The following SH3KBP1 variants were observed in gnomAD, a reference collection of about 807,000 sequenced individuals.
The protein encoded by SH3KBP1 is SH3 domain-containing kinase-binding protein 1.
In SH3KBP1, 8 loss-of-function variants were observed where a neutral mutation model predicts 50.1. That is an observed-to-expected ratio of 0.16 (90% CI 0.09 to 0.29). The LOEUF (loss-of-function observed/expected upper bound fraction) is 0.29, where lower values mean the gene tolerates loss of function less well. SH3KBP1 is among the 10% of genes least tolerant of loss of function. The probability of loss-of-function intolerance (pLI) is 1.00; values close to 1 mark genes in which losing one functional copy is unlikely to be tolerated. For missense variants in SH3KBP1, 377 were observed against 535.2 expected (o/e 0.70, Z 2.92); for synonymous variants, 227 against 218.6 (o/e 1.04, Z -0.34).
At chrX:19,665,764 C>G (rs2062582913) in intron 6 of SH3KBP1, among the ~76,000 whole-genome samples, 1 of 111,610 alleles carries the variant, frequency 9.0e-6, no homozygotes, top group Non-Finnish European at 1.9e-5. Flanking sequence ...AAAGACACAC[C>G]ACCATGCAGT....
At chrX:19,591,046 G>C (rs193141285) in intron 11 of SH3KBP1, among the ~76,000 whole-genome samples, 49 of 108,599 alleles carry the variant, frequency 4.5e-4, no homozygotes, top group Non-Finnish European at 7.4e-4. Context: ...CACAGACCTG[G>C]CCTTCACAAT....
At chrX:19,864,356 A>C (rs1318751079) in intron 1 of SH3KBP1, among the ~76,000 whole-genome samples, 1 of 111,215 alleles carries the variant, frequency 9.0e-6, no homozygotes, top group Non-Finnish European at 1.9e-5. Flanking sequence ...TCCCAATCCC[A>C]AGCAAAAGGG....
intron 2 of SH3KBP1, among the ~76,000 whole-genome samples, chrX:19,820,091 C>T (rs1223986584): frequency 6.3e-5 from 7 of 111,560 alleles, no homozygotes; most frequent in Non-Finnish European, 1.1e-4. Flanking sequence ...TATCTCAATT[C>T]CCTTAAATAT....
intron 1 of SH3KBP1, among the ~76,000 whole-genome samples, chrX:19,867,249 G>GCA (rs1229429939): frequency 9.0e-6 from 1 of 110,959 alleles, no homozygotes; most frequent in Non-Finnish European, 1.9e-5. Context: ...TCCTGAACCA[G>GCA]CATGTGCCTT....
At chrX:19,842,998 C>T (rs1036764699) in intron 1 of SH3KBP1, among the ~76,000 whole-genome samples, 8 of 102,819 alleles carry the variant, frequency 7.8e-5, no homozygotes, top group South Asian at 8.8e-4. Flanking sequence ...AACAGATACT[C>T]GTGCATCAAC....
At position 19,695,717 on chromosome X, in the gene SH3KBP1, C is replaced by T. The variant is rs141628714; in HGVS notation, c.415G>A (p.Val139Ile). Residue 139 changes from valine to isoleucine, a missense_variant, in exon 5 of 18, where the codon GTT (valine) becomes ATT (isoleucine). Transcript: ENST00000397821. ...AACATTCCAGTCTTCCCGTTGAGAA[C>T]ACCTTCCCACCATCCTTCCTCTACC... is the stretch of plus-strand genomic sequence containing the variant. Reference protein sequence around the residue: ...GEVEEGWWEGVLNGKTGMFPS... With the variant: ...GEVEEGWWEGILNGKTGMFPS... 153 of 1,206,999 alleles carry T rather than the reference C, an allele frequency of 1.3e-4. No individual in the cohort carries two copies. The highest frequency in any genetic ancestry group is 1.6e-4 in the Non-Finnish European group (145 of 893,993).
At chrX:19,877,816 T>C (rs145073685) in intron 1 of SH3KBP1, among the ~76,000 whole-genome samples, 246 of 112,325 alleles carry the variant, frequency 2.2e-3, no homozygotes, top group African/African-American at 7.0e-3. Context: ...TTATCCAAGA[T>C]AGAAATAACA....
intron 2 of SH3KBP1, among the ~76,000 whole-genome samples, chrX:19,812,653 A>T (rs186474250): frequency 1.3e-5 from 1 of 74,889 alleles, no homozygotes; most frequent in African/African-American, 6.2e-5. Flanking sequence ...ACATAGTGAG[A>T]CCCCGTCTCT....
chrX:19,655,546 T>C (rs1255887033), intron 6 of SH3KBP1, among the ~76,000 whole-genome samples: 1 of 111,887 alleles, frequency 8.9e-6, no homozygotes, highest in Non-Finnish European at 1.9e-5. Context: ...GCCATGATCC[T>C]AAGCAAATTA....
intron 2 of SH3KBP1, among the ~76,000 whole-genome samples, chrX:19,769,075 ATTTTTTTTT>A (rs36059368): frequency 1.2e-5 from 1 of 81,153 alleles, no homozygotes; most frequent in Non-Finnish European, 2.3e-5. Flanking sequence ...CTGCGTTATA[ATTTTTTTTT>A]TTTTTTTTTT....
chrX:19,767,362 T>A (rs910497879), intron 2 of SH3KBP1, among the ~76,000 whole-genome samples: 9 of 112,482 alleles, frequency 8.0e-5, no homozygotes, highest in African/African-American at 2.6e-4. Flanking sequence ...AGAAATCTTG[T>A]TTCTTTCCTA....
chrX:19,620,022 C>T (rs188186829), intron 8 of SH3KBP1, among the ~76,000 whole-genome samples: 1 of 111,575 alleles, frequency 9.0e-6, no homozygotes, highest in East Asian at 2.8e-4. Context: ...GGATGAGCAT[C>T]CTATAGCTGA....
intron 6 of SH3KBP1, among the ~76,000 whole-genome samples, chrX:19,668,873 A>G (rs1280488074): frequency 1.1e-5 from 1 of 93,300 alleles, no homozygotes; most frequent in African/African-American, 3.7e-5. Context: ...AAAAAAAAAA[A>G]GTCTGGAAGG....
At chrX:19,829,982 G>A (rs2067818379) in intron 2 of SH3KBP1, among the ~76,000 whole-genome samples, 1 of 111,208 alleles carries the variant, frequency 9.0e-6, no homozygotes, top group African/African-American at 3.3e-5. Context: ...CAACTGTCAT[G>A]GCACCGTTGG....
At chrX:19,547,217 G>T (rs772868789) in intron 14 of SH3KBP1, among the ~76,000 whole-genome samples, 4 of 111,079 alleles carry the variant, frequency 3.6e-5, no homozygotes, top group Non-Finnish European at 7.5e-5. Flanking sequence ...TGATCACTGG[G>T]CTAGAATTTC....
chrX:19,540,534 C>T (rs752036523), intron 16 of SH3KBP1, among the ~76,000 whole-genome samples: 128 of 111,730 alleles, frequency 1.1e-3, no homozygotes, highest in African/African-American at 4.0e-3. Context: ...ACCGAGTTAT[C>T]CCCCAAAAGT....
intron 6 of SH3KBP1, among the ~76,000 whole-genome samples, chrX:19,648,503 G>A (rs1219384922): frequency 2.7e-5 from 3 of 110,379 alleles, no homozygotes; most frequent in African/African-American, 9.9e-5. Flanking sequence ...AAAGAAAGGT[G>A]GCTTTGAACC....
intron 2 of SH3KBP1, among the ~76,000 whole-genome samples, chrX:19,793,719 C>T (rs957500434): frequency 2.7e-5 from 3 of 111,681 alleles, no homozygotes; most frequent in African/African-American, 9.8e-5. Flanking sequence ...TAACCTACTT[C>T]AGATGCTAAC....
intron 1 of SH3KBP1, among the ~76,000 whole-genome samples, chrX:19,849,139 C>T (rs765638027): frequency 9.1e-6 from 1 of 110,144 alleles, no homozygotes; most frequent in African/African-American, 3.3e-5. Context: ...AGAGAGACAA[C>T]CAGGCATCTG....
Sources: gnomAD v4.1 joint callset for allele counts (sites outside exome capture counted in the v4.1 genomes callset) on GRCh38, gnomAD v4.1.1 for gene constraint, MANE v1.5 for transcripts, NCBI Gene and HGNC (gene_info 2026-07-23, HGNC 2026-07-21) for gene names.